Variants in AREL1 observed in about 807,000 individuals in gnomAD.
AREL1 encodes the protein apoptosis resistant E3 ubiquitin protein ligase 1, also known as apoptosis-resistant E3 ubiquitin protein ligase 1.
AREL1 carries 62 observed loss-of-function variants against 99.0 expected under a neutral mutation model. That is an observed-to-expected ratio of 0.63 (90% confidence interval 0.51 to 0.77). AREL1 has a LOEUF of 0.77. Among genes scored for constraint, AREL1 ranks in the 30% least tolerant of loss-of-function variants. The pLI is 0.00. For missense variants in AREL1, 879 were observed against 1,027.6 expected, an observed-to-expected ratio of 0.86 and a Z score of 1.98; for synonymous variants, 380 against 376.5, an observed-to-expected ratio of 1.01 and a Z score of -0.11.
chr14:74,665,472 C>A (rs948841222), intron 17 of AREL1, among the ~76,000 whole-genome samples: 1 of 152,094 alleles, frequency 6.6e-6, no homozygotes, highest in Non-Finnish European at 1.5e-5. Context: ...CACACACACA[C>A]AAACTGTTTC....
intron 2 of AREL1, among the ~76,000 whole-genome samples, chr14:74,690,551 T>G (rs1188534214): frequency 6.6e-6 from 1 of 152,210 alleles, no homozygotes. Context: ...CAGATTCCCA[T>G]GCATGGTATT....
intron 9 of AREL1, 31 bp downstream of exon 9, chr14:74,674,003 T>C: frequency 6.4e-7 from 1 of 1,564,502 alleles, no homozygotes; most frequent in Non-Finnish European, 8.8e-7. Flanking sequence ...GAAGCATGCT[T>C]GATGTGAACC....
At chr14:74,698,021 C>T (rs955972298) in intron 1 of AREL1, among the ~76,000 whole-genome samples, 22 of 152,060 alleles carry the variant, frequency 1.4e-4, no homozygotes, top group Non-Finnish European at 2.9e-5. Context: ...AAATCAAACT[C>T]ATAGATAATA....
intron 4 of AREL1, 25 bp from the exon 5 acceptor site, chr14:74,683,558 C>T (rs1329278478): frequency 6.2e-7 from 1 of 1,607,034 alleles, no homozygotes; most frequent in African/African-American, 1.3e-5. Context: ...AGAAGGACAC[C>T]TGTTAGCAAG....
chr14:74,685,393 C>T (rs992453810), intron 3 of AREL1, among the ~76,000 whole-genome samples: 3 of 152,086 alleles, frequency 2.0e-5, no homozygotes, highest in African/African-American at 7.2e-5. Flanking sequence ...CTTTAGACTC[C>T]ACAGTAAACA....
At chr14:74,675,979 G>C in intron 7 of AREL1, 33 bp from the exon 8 acceptor site, 2 of 1,542,404 alleles carry the variant, frequency 1.3e-6, no homozygotes, top group South Asian at 1.3e-5. Flanking sequence ...GTTTAAAGTA[G>C]AAGTCAGAGA....
Position 74,683,288 on chromosome 14 carries a change from G to C in AREL1, c.481+8C>G. 1 of 1,598,556 alleles carries C rather than the reference G, an allele frequency of 6.3e-7. No individual in the cohort carries two copies. Among genetic ancestry groups the C allele is most frequent in the Non-Finnish European group, 8.6e-7 (1 of 1,167,920 alleles). On this transcript the variant is annotated splice_region_variant and intron_variant, in intron 5 of 19. Coordinates refer to ENST00000356357, the MANE Select transcript of AREL1 (RefSeq NM_001039479.2). ...ACAAAGGGAAAAAGAAAGGAAAAAA[G>C]AACCTACCAGGTTGAAAAATTTTGT...
intron 1 of AREL1, among the ~76,000 whole-genome samples, chr14:74,693,559 T>C (rs1158152464): frequency 1.3e-5 from 2 of 152,228 alleles, no homozygotes; most frequent in South Asian, 2.1e-4. Context: ...CAGTGCTTCA[T>C]ACACATAAAC....
rs1437251688 is a variant in AREL1, at chr14:74,692,087, T to C, written c.-92A>G. 4 of 426,462 alleles carry C rather than the reference T, an allele frequency of 9.4e-6. No individual in the cohort carries two copies. The highest frequency in any genetic ancestry group is 1.8e-5 in the Non-Finnish European group (4 of 219,720). 26.4% of individuals were successfully genotyped at this position (426,462 alleles called of 1,614,324 possible). On this transcript the variant is annotated 5_prime_UTR_variant, in exon 2 of 20. Transcript: ENST00000356357. ...CTGAGAACCAAGTAGAGCACTCCTA[T>C]TCACCAAAGCAGGTAACTTTTGGCC...
chr14:74,672,718 G>A, intron 11 of AREL1, 113 bp downstream of exon 11: 1 of 1,443,958 alleles, frequency 6.9e-7, no homozygotes, highest in South Asian at 1.3e-5. Flanking sequence ...CTGGGCAATA[G>A]AGTGAGACCC....
At chr14:74,683,059 G>A (rs1566689877) in intron 5 of AREL1, among the ~76,000 whole-genome samples, 1 of 152,162 alleles carries the variant, frequency 6.6e-6, no homozygotes, top group African/African-American at 2.4e-5. Context: ...GGGGATTTGG[G>A]GGAAAAGTGA....
At chr14:74,669,822 G>C (rs1352051938) in intron 14 of AREL1, 48 bp from the exon 15 acceptor site, 2 of 1,608,790 alleles carry the variant, frequency 1.2e-6, no homozygotes, top group Non-Finnish European at 1.7e-6. Flanking sequence ...CTCTTGCCCT[G>C]AAAGGTGTAA....
chr14:74,692,787 T>C (rs2089909809), intron 1 of AREL1, among the ~76,000 whole-genome samples: 1 of 152,208 alleles, frequency 6.6e-6, no homozygotes, highest in African/African-American at 2.4e-5. Context: ...CACTGCAGCC[T>C]TGACCTCCTG....
chr14:74,670,959 C>CT (rs558867625), intron 12 of AREL1, 88 bp from the exon 13 acceptor site: 145 of 1,040,756 alleles, frequency 1.4e-4, no homozygotes, highest in Non-Finnish European at 2.1e-4. Flanking sequence ...ATACTCTCCA[C>CT]ATTCCCTCTA....
At chr14:74,681,724 G>A (rs907023379) in intron 5 of AREL1, among the ~76,000 whole-genome samples, 2 of 151,104 alleles carry the variant, frequency 1.3e-5, no homozygotes, top group African/African-American at 4.9e-5. Flanking sequence ...GAGCCAAGAT[G>A]GCACCACTAC....
Position 74,712,966 on chromosome 14 carries a change from C to A in AREL1, c.-367G>T. On this transcript the variant is annotated 5_prime_UTR_variant, in exon 1 of 20. Coordinates refer to ENST00000356357, the MANE Select transcript of AREL1 (RefSeq NM_001039479.2). ...GGGGTTGCAGCGCGACGAAGTTCCA[C>A]CTCCGCTGTCCTGGGAAGGGGCGGC... The A allele has an allele frequency of 1.4e-6, 1 of 726,950 alleles. No homozygotes were observed. The highest frequency in any genetic ancestry group is 2.5e-6 in the Non-Finnish European group (1 of 406,310). 45.0% of individuals were successfully genotyped at this position (726,950 alleles called of 1,614,324 possible).
In AREL1 at chr14:74,683,286, A is replaced by C; in HGVS notation, c.481+10T>G. 4 of 1,595,670 alleles carry C rather than the reference A, an allele frequency of 2.5e-6. No individual in the cohort carries two copies. The highest frequency in any genetic ancestry group is 3.4e-6 in the Non-Finnish European group (4 of 1,166,070). On this transcript the variant is annotated intron_variant, in intron 5 of 19. Transcript: ENST00000356357. ...AGACAAAGGGAAAAAGAAAGGAAAA[A>C]AGAACCTACCAGGTTGAAAAATTTT...
intron 2 of AREL1, among the ~76,000 whole-genome samples, chr14:74,686,868 C>T (rs143227780): frequency 6.6e-6 from 1 of 152,314 alleles, no homozygotes; most frequent in Non-Finnish European, 1.5e-5. Flanking sequence ...GATGAAGGTG[C>T]TCCCAAAAGG....
chr14:74,707,403 C>T (rs889922896), intron 1 of AREL1, among the ~76,000 whole-genome samples: 6 of 151,426 alleles, frequency 4.0e-5, no homozygotes, highest in African/African-American at 7.3e-5. Flanking sequence ...TGGATCACAC[C>T]GGTAATCCCA....
Sources: allele counts gnomAD v4.1 joint callset (sites outside exome capture counted in the v4.1 genomes callset), GRCh38; gene constraint gnomAD v4.1.1; transcripts MANE v1.5; gene names NCBI Gene and HGNC (gene_info 2026-07-23, HGNC 2026-07-21).